Variants in ZCCHC2 observed in about 807,000 individuals in gnomAD.
ZCCHC2 encodes the protein zinc finger CCHC-type containing 2.
A neutral mutation model predicts 103.6 loss-of-function variants in ZCCHC2; 39 were observed. The ratio of observed to expected loss-of-function variants is 0.38; its 90% CI spans 0.29 to 0.49. ZCCHC2 has a LOEUF of 0.49. Among genes scored for constraint, ZCCHC2 ranks in the 20% least tolerant of loss-of-function variants. The pLI, the probability that ZCCHC2 is intolerant of heterozygous loss-of-function variation, is 0.96. For synonymous variants in ZCCHC2, 687 were observed against 608.9 expected, an observed-to-expected ratio of 1.13 and a Z score of -1.89; for missense variants, 1,483 against 1,491.0, an observed-to-expected ratio of 0.99 and a Z score of 0.09.
intron 8 of ZCCHC2, among the ~76,000 whole-genome samples, chr18:62,561,597 C>G (rs1916121280): frequency 6.6e-6 from 1 of 152,220 alleles, no homozygotes; most frequent in Non-Finnish European, 1.5e-5. Context: ...GTGGACTCTT[C>G]ATTGCAGTCC....
chr18:62,574,270 C>T lies in ZCCHC2; in HGVS notation c.2189C>T (p.Ala730Val). 4 of 1,614,016 alleles carry T rather than the reference C, an allele frequency of 2.5e-6. No individual in the cohort carries two copies. The highest frequency in any genetic ancestry group is 1.7e-6 in the Non-Finnish European group (2 of 1,179,900). ...PTLHCVMHNG[A>V]QKSEVVVPAP... ...TTACACTGTGTCATGCACAATGGTG[C>T]CCAGAAGTCTGAAGTTGTCGTTCCT... The change falls in exon 13 of 14, where the codon GCC (alanine) becomes GTC (valine). Residue 730 changes from alanine to valine, a missense_variant. Physicochemically the swap from Ala to Val is moderately conservative, Grantham distance 64 (BLOSUM62 0). Transcript: ENST00000269499.
At chr18:62,535,199 T>G (rs1048649570) in intron 1 of ZCCHC2, among the ~76,000 whole-genome samples, 1 of 152,232 alleles carries the variant, frequency 6.6e-6, no homozygotes. Flanking sequence ...TGTGCACTCA[T>G]GCATGCATTC....
intron 12 of ZCCHC2, among the ~76,000 whole-genome samples, chr18:62,573,196 T>C (rs147837816): frequency 6.6e-6 from 1 of 152,146 alleles, no homozygotes; most frequent in South Asian, 2.1e-4. Flanking sequence ...AGAAAGATTT[T>C]TAAATAGGCA....
Position 62,576,667 on chromosome 18 carries a change from T to G in ZCCHC2, c.*88T>G. On this transcript the variant is annotated 3_prime_UTR_variant, in exon 14 of 14. Coordinates refer to ENST00000269499, the MANE Select transcript of ZCCHC2 (RefSeq NM_017742.6). The stretch of plus-strand genomic sequence containing the variant: ...GGAAAGGAAAGGTATTTTGTTTCTT[T>G]GTCTATACATTTCCTAGATTTCTAT... 1 of 1,263,354 alleles carries G rather than the reference T, an allele frequency of 7.9e-7. No individual in the cohort carries two copies. 78.3% of individuals were successfully genotyped at this position (1,263,354 alleles called of 1,614,324 possible). A position where few individuals can be genotyped will look rare whatever the true frequency, so the allele number is the denominator to read the frequency against.
intron 9 of ZCCHC2, 64 bp downstream of exon 9, chr18:62,563,208 T>G (rs1598957415): frequency 6.5e-7 from 1 of 1,541,986 alleles, no homozygotes; most frequent in Non-Finnish European, 8.8e-7. Flanking sequence ...AGAAAAAAAT[T>G]AAGTTCTGTA....
chr18:62,575,490 G>A lies in ZCCHC2; in HGVS notation c.3409G>A (p.Gly1137Ser). Reference protein sequence around the residue: ...KNGNVSCYNCGVSGHYAQDCK... With the variant: ...KNGNVSCYNCSVSGHYAQDCK... ...TGGGAATGTCTCATGTTACAATTGT[G>A]GTGTAAGCGGACACTATGCACAGGA... is the stretch of plus-strand genomic sequence containing the variant. Residue 1137 changes from glycine to serine, a missense_variant, in exon 13 of 14, where the codon GGT becomes AGT. Transcript: ENST00000269499. 1 of 1,613,990 alleles carries A rather than the reference G, an allele frequency of 6.2e-7. No homozygotes were observed. Among genetic ancestry groups the A allele is most frequent in the Middle Eastern group, 1.6e-4 (1 of 6,062 alleles).
intron 6 of ZCCHC2, among the ~76,000 whole-genome samples, chr18:62,556,885 A>G (rs1803298987): frequency 6.6e-6 from 1 of 152,178 alleles, no homozygotes. Context: ...TCCCTGGATT[A>G]TCACAAGGAT....
At chr18:62,573,470 C>G (rs1646768572) in intron 12 of ZCCHC2, among the ~76,000 whole-genome samples, 1 of 152,018 alleles carries the variant, frequency 6.6e-6, no homozygotes, top group Admixed American at 6.6e-5. Context: ...TTCTTGTGTT[C>G]TAGCGTGTTT....
At chr18:62,579,510 T>C (rs189663170), downstream of ZCCHC2, among the ~76,000 whole-genome samples, 102 of 152,258 alleles carry the variant, frequency 6.7e-4, no homozygotes, top group African/African-American at 2.0e-3. Context: ...CTGGATCCGG[T>C]TGGGTGGGCA....
chr18:62,523,376 G>GCGGCGCCCC lies in ZCCHC2; in HGVS notation c.-48_-47insGGCGCCCCC. 3.0e-6 allele frequency: 3 copies of GCGGCGCCCC among 1,012,352 alleles called. No individual in the cohort carries two copies. The highest frequency in any genetic ancestry group is 3.5e-6 in the Non-Finnish European group (3 of 848,988). 62.7% of individuals were successfully genotyped at this position (1,012,352 alleles called of 1,614,324 possible). A position where few individuals can be genotyped will look rare whatever the true frequency, so the allele number is the denominator to read the frequency against. On this transcript the variant is annotated 5_prime_UTR_variant, in exon 1 of 14. Transcript: ENST00000269499. ...GCCTCGGCCCGTGCTCCACCTCGCG[G>GCGGCGCCCC]CCCCTCCCGCCCGCCCCCGCTCGCA...
At chr18:62,541,966 A>G (rs577059523) in intron 2 of ZCCHC2, among the ~76,000 whole-genome samples, 2 of 152,312 alleles carry the variant, frequency 1.3e-5, no homozygotes, top group Middle Eastern at 3.4e-3. Flanking sequence ...TTATCATTAT[A>G]TGATATTGAG....
chr18:62,548,299 AAT>A lies in ZCCHC2; in HGVS notation c.1201-2046_1201-2045del, dbSNP rs1167904102. ...AAATGAGTCTTTCTTTAGGACTGCA[AAT>A]ATGCCCAGGAAATTAAAGATAAAAA... is the stretch of plus-strand genomic sequence containing the variant. On this transcript the variant is annotated intron_variant, in intron 4 of 13. Transcript: ENST00000269499. 2.0e-5 allele frequency among the ~76,000 whole-genome samples: 3 copies of A among 152,262 alleles called. No individual in the cohort carries two copies. In the East Asian group the frequency reaches 5.8e-4, roughly 29 times the overall value.
chr18:62,559,392 A>G (rs987463790), intron 7 of ZCCHC2, among the ~76,000 whole-genome samples: 2 of 152,262 alleles, frequency 1.3e-5, no homozygotes, highest in Non-Finnish European at 2.9e-5. Flanking sequence ...CAGCTATTAC[A>G]TAATGTGCAG....
intron 7 of ZCCHC2, among the ~76,000 whole-genome samples, chr18:62,559,048 C>T (rs753106697): frequency 6.6e-6 from 1 of 152,222 alleles, no homozygotes; most frequent in African/African-American, 2.4e-5. Context: ...TTCCCAGTTA[C>T]ATCATGCAGA....
downstream of ZCCHC2, chr18:62,581,690 G>A (rs932450532): frequency 4.1e-4 from 2 of 4,874 alleles, 1 homozygote; most frequent in Non-Finnish European, 6.3e-4. Flanking sequence ...GACCCCTCCC[G>A]AGATGGTGTC....
chr18:62,530,587 A>G (rs779087596), intron 1 of ZCCHC2, among the ~76,000 whole-genome samples: 5 of 152,130 alleles, frequency 3.3e-5, no homozygotes, highest in Non-Finnish European at 7.3e-5. Context: ...ATCCCTGTGA[A>G]TACATTGATG....
At chr18:62,557,110 C>G (rs953171131) in intron 6 of ZCCHC2, among the ~76,000 whole-genome samples, 2 of 152,200 alleles carry the variant, frequency 1.3e-5, no homozygotes, top group Non-Finnish European at 2.9e-5. Context: ...TCACCTCTTC[C>G]ACGAAGCTTT....
chr18:62,537,223 G>A (rs113474914), intron 1 of ZCCHC2, among the ~76,000 whole-genome samples: 3 of 152,000 alleles, frequency 2.0e-5, no homozygotes, highest in Non-Finnish European at 4.4e-5. Flanking sequence ...CTGTTGCCCA[G>A]GCTGAAGTGC....
exon 15 of ZCCHC2, chr18:62,584,572 G>A (rs1364385814): frequency 1.3e-5 from 2 of 152,212 alleles, no homozygotes; most frequent in Non-Finnish European, 2.9e-5. Flanking sequence ...ATTTCCTACT[G>A]ACCTAATTTA....
Sources: gnomAD v4.1 joint callset for allele counts (sites outside exome capture counted in the v4.1 genomes callset) on GRCh38, gnomAD v4.1.1 for gene constraint, MANE v1.5 for transcripts, NCBI Gene and HGNC (gene_info 2026-07-23, HGNC 2026-07-21) for gene names.